CREBBP: variants seen among roughly 807,000 people sequenced by gnomAD.
CREBBP encodes CREB-binding protein.
In CREBBP, 19 loss-of-function variants were observed where a neutral mutation model predicts 265.0. The observed-to-expected ratio is 0.07, with a 90% CI of 0.05 to 0.11. CREBBP has a LOEUF of 0.11. CREBBP is among the 10% of genes least tolerant of loss of function. The pLI is 1.00. For missense variants in CREBBP, 2,525 were observed against 3,219.0 expected, an observed-to-expected ratio of 0.78 and a Z score of 5.22; for synonymous variants, 1,457 against 1,223.7, an observed-to-expected ratio of 1.19 and a Z score of -3.98.
At chr16:3,825,260 A>T (rs1400012384) in intron 2 of CREBBP, among the ~76,000 whole-genome samples, 1 of 152,224 alleles carries the variant, frequency 6.6e-6, no homozygotes, top group African/African-American at 2.4e-5. Context: ...CTTGGTAGAA[A>T]AACATGAAAT....
At chr16:3,758,610 C>A (rs112293292) in intron 17 of CREBBP, among the ~76,000 whole-genome samples, 2 of 152,182 alleles carry the variant, frequency 1.3e-5, no homozygotes, top group East Asian at 1.9e-4. Flanking sequence ...AAAGTGAAGT[C>A]TCAGGGGCAT....
chr16:3,735,004 C>G (rs1229683799), intron 28 of CREBBP, among the ~76,000 whole-genome samples: 1 of 152,208 alleles, frequency 6.6e-6, no homozygotes, highest in Admixed American at 6.5e-5. Flanking sequence ...GGGGCTGCAG[C>G]CTTCAACGTT....
intron 27 of CREBBP, 196 bp downstream of exon 27, chr16:3,736,454 C>T: frequency 1.2e-6 from 1 of 842,796 alleles, no homozygotes; most frequent in Non-Finnish European, 1.9e-6. Context: ...AACTGTGCTG[C>T]TCTCAGACGG....
intron 21 of CREBBP, among the ~76,000 whole-genome samples, chr16:3,746,191 G>T (rs1272137545): frequency 6.6e-6 from 1 of 152,170 alleles, no homozygotes; most frequent in African/African-American, 2.4e-5. Context: ...GTGTGCTCCT[G>T]AGCTTTGAGC....
intron 5 of CREBBP, among the ~76,000 whole-genome samples, chr16:3,784,262 T>C (rs1042769498): frequency 2.6e-5 from 4 of 152,112 alleles, no homozygotes; most frequent in Non-Finnish European, 4.4e-5. Context: ...CTAAAATGTG[T>C]GAAAAAAAAT....
chr16:3,759,377 T>C (rs949208019), intron 16 of CREBBP, among the ~76,000 whole-genome samples: 5 of 151,690 alleles, frequency 3.3e-5, no homozygotes, highest in African/African-American at 1.2e-4. Flanking sequence ...TCACCTGAGG[T>C]CAGGAGTTCA....
intron 2 of CREBBP, among the ~76,000 whole-genome samples, chr16:3,818,862 C>T (rs1391247455): frequency 6.6e-6 from 1 of 152,324 alleles, no homozygotes; most frequent in Middle Eastern, 3.4e-3. Flanking sequence ...CTAAAACCTA[C>T]CACTTTATAG....
At chr16:3,815,975 T>C (rs1480305559) in intron 2 of CREBBP, among the ~76,000 whole-genome samples, 3 of 152,156 alleles carry the variant, frequency 2.0e-5, no homozygotes, top group Non-Finnish European at 4.4e-5. Context: ...GTTCAGTTAA[T>C]AGTAAAATTT....
At chr16:3,879,165 T>C (rs537120575) in intron 1 of CREBBP, among the ~76,000 whole-genome samples, 7 of 152,168 alleles carry the variant, frequency 4.6e-5, no homozygotes, top group Non-Finnish European at 1.0e-4. Flanking sequence ...GCAACTTTCA[T>C]GACATCTTGC....
At chr16:3,777,737 T>G (rs1283201913) in intron 10 of CREBBP, 80 bp from the exon 11 acceptor site, 31 of 1,523,626 alleles carry the variant, frequency 2.0e-5, no homozygotes, top group Non-Finnish European at 2.7e-5. Flanking sequence ...AGGAAATTTC[T>G]TATTAGGACT....
At position 3,729,212 on chromosome 16, in the gene CREBBP, G is replaced by C; in HGVS notation, c.5835C>G (p.Pro1945=). 2.0e-6 allele frequency: 3 copies of C among 1,529,560 alleles called. No individual in the cohort carries two copies. Among genetic ancestry groups the C allele is most frequent in the Non-Finnish European group, 2.6e-6 (3 of 1,143,548 alleles). 94.7% of individuals were successfully genotyped at this position (1,529,560 alleles called of 1,614,324 possible). Reference sequence around the variant, plus strand: ...CAGGAGGGGGCTGGGCCGGGGGTGGGGGGGCCGGCACCTGGCTGGTAGGCT... The same window carrying C: ...CAGGAGGGGGCTGGGCCGGGGGTGGCGGGGCCGGCACCTGGCTGGTAGGCT... The part of the protein sequence containing the change: ...TGKPTSQVPA[P]PPPAQPPPAA... The change falls in exon 31 of 31, where the codon CCC becomes CCG. Residue 1945 remains proline, a synonymous_variant. Coordinates refer to ENST00000262367, the MANE Select transcript of CREBBP (RefSeq NM_004380.3).
intron 20 of CREBBP, 95 bp downstream of exon 20, chr16:3,751,631 G>A (rs2052476022): frequency 4.9e-6 from 6 of 1,230,592 alleles, no homozygotes; most frequent in African/African-American, 1.5e-5. Context: ...AAGTCAAAAT[G>A]GCACCGGTAC....
intron 2 of CREBBP, among the ~76,000 whole-genome samples, chr16:3,838,710 C>G (rs1037505149): frequency 6.6e-6 from 1 of 152,082 alleles, no homozygotes; most frequent in Non-Finnish European, 1.5e-5. Context: ...TTTTGTATAA[C>G]AAACATCAAC....
At chr16:3,754,645 TATCTATAG>T (rs1385403685) in intron 19 of CREBBP, among the ~76,000 whole-genome samples, 2 of 152,172 alleles carry the variant, frequency 1.3e-5, no homozygotes. Context: ...ATCACTGGGA[TATCTATAG>T]ATAATACTTA....
intron 2 of CREBBP, among the ~76,000 whole-genome samples, chr16:3,817,048 C>T (rs1596996597): frequency 6.6e-6 from 1 of 152,202 alleles, no homozygotes; most frequent in Non-Finnish European, 1.5e-5. Context: ...TTGGAGTGGA[C>T]AGGAGTGGAC....
chr16:3,846,495 T>C (rs2054670293), intron 2 of CREBBP, among the ~76,000 whole-genome samples: 1 of 152,250 alleles, frequency 6.6e-6, no homozygotes, highest in African/African-American at 2.4e-5. Flanking sequence ...TGTACAAAGA[T>C]ATATGTACAA....
chr16:3,735,638 CAG>C (rs1047113774), intron 28 of CREBBP, among the ~76,000 whole-genome samples: 3 of 152,152 alleles, frequency 2.0e-5, no homozygotes, highest in Admixed American at 6.5e-5. Context: ...GCCTGGCACT[CAG>C]GGGCAGCGCC....
At position 3,879,751 on chromosome 16, in the gene CREBBP, G is replaced by T; in HGVS notation, c.85+81C>A. The T allele has an allele frequency of 2.1e-6, 3 of 1,439,902 alleles. No individual in the cohort carries two copies. The South Asian group carries it at 3.7e-5, about 18-fold the overall frequency. The allele number at this position is 1,439,902 out of a possible 1,614,324, so 89.2% of individuals were successfully genotyped here. A position where few individuals can be genotyped will look rare whatever the true frequency, so the allele number is the denominator to read the frequency against. ...AGCTCCCGGCTCGATCGGTATCCGC[G>T]ACCACGACCCCCGGACGCTCTCTTT... On this transcript the variant is annotated intron_variant, in intron 1 of 30. Coordinates refer to ENST00000262367, the MANE Select transcript of CREBBP (RefSeq NM_004380.3).
intron 1 of CREBBP, among the ~76,000 whole-genome samples, chr16:3,876,478 T>C (rs1440983570): frequency 2.0e-5 from 3 of 150,720 alleles, no homozygotes; most frequent in East Asian, 3.9e-4. Context: ...ATATTTGTCT[T>C]ATACTGTTAA....
Sources: allele counts gnomAD v4.1 joint callset (sites outside exome capture counted in the v4.1 genomes callset), GRCh38; gene constraint gnomAD v4.1.1; transcripts MANE v1.5; gene names NCBI Gene and HGNC (gene_info 2026-07-23, HGNC 2026-07-21).